The following IL1RAPL1 variants were observed in gnomAD, a reference collection of about 807,000 sequenced individuals.
IL1RAPL1 encodes interleukin-1 receptor accessory protein-like 1.
In IL1RAPL1, 3 loss-of-function variants were observed where a neutral mutation model predicts 48.4. The observed-to-expected ratio is 0.06, with a 90% CI of 0.03 to 0.16. IL1RAPL1 has a LOEUF of 0.16. Ranked by LOEUF, IL1RAPL1 falls within the 10% of genes least tolerant of loss-of-function variation. IL1RAPL1 has a pLI of 1.00. For missense variants in IL1RAPL1, 349 were observed against 530.6 expected (o/e 0.66, Z 3.36); for synonymous variants, 185 against 187.7 (o/e 0.99, Z 0.12).
At chrX:29,381,396 T>A (rs1933695359) in intron 3 of IL1RAPL1, among the ~76,000 whole-genome samples, 1 of 94,812 alleles carries the variant, frequency 1.1e-5, no homozygotes. Flanking sequence ...AGCACATCCC[T>A]ATAACCCCAG....
At chrX:29,336,822 A>G (rs1166921651) in intron 3 of IL1RAPL1, among the ~76,000 whole-genome samples, 1 of 111,741 alleles carries the variant, frequency 8.9e-6, no homozygotes, top group African/African-American at 3.3e-5. Flanking sequence ...GTACAGGGCA[A>G]GACACCTGTC....
intron 5 of IL1RAPL1, among the ~76,000 whole-genome samples, chrX:29,605,407 A>T (rs777603089): frequency 9.0e-6 from 1 of 111,318 alleles, no homozygotes; most frequent in Non-Finnish European, 1.9e-5. Context: ...TGGACTATAT[A>T]CTGTTATATG....
intron 3 of IL1RAPL1, among the ~76,000 whole-genome samples, chrX:29,321,445 C>G (rs1037764749): frequency 9.0e-6 from 1 of 111,686 alleles, no homozygotes; most frequent in African/African-American, 3.3e-5. Flanking sequence ...AAATAATGAG[C>G]CTGTTACAGT....
intron 2 of IL1RAPL1, among the ~76,000 whole-genome samples, chrX:29,120,623 G>T (rs1928764498): frequency 9.0e-6 from 1 of 111,233 alleles, no homozygotes; most frequent in Non-Finnish European, 1.9e-5. Flanking sequence ...GGCTATTGAG[G>T]CTATTTTTTG....
At chrX:29,429,633 G>T (rs1934391355) in intron 5 of IL1RAPL1, among the ~76,000 whole-genome samples, 1 of 110,838 alleles carries the variant, frequency 9.0e-6, no homozygotes, top group Non-Finnish European at 1.9e-5. Context: ...ATAGAGACAT[G>T]AAGAAAAATA....
intron 2 of IL1RAPL1, among the ~76,000 whole-genome samples, chrX:28,831,086 G>T (rs1271010373): frequency 1.2e-5 from 1 of 86,756 alleles, no homozygotes; most frequent in Non-Finnish European, 2.2e-5. Context: ...GTCTGTATGT[G>T]TAAGCACATT....
chrX:29,221,610 T>TACACAC (rs1293855769), intron 2 of IL1RAPL1, among the ~76,000 whole-genome samples: 3 of 61,835 alleles, frequency 4.9e-5, no homozygotes, highest in Admixed American at 2.0e-4. Context: ...GAGCAATGTA[T>TACACAC]ACACACACAT....
chrX:29,517,765 G>C (rs1404438358), intron 5 of IL1RAPL1, among the ~76,000 whole-genome samples: 1 of 111,814 alleles, frequency 8.9e-6, no homozygotes, highest in East Asian at 2.8e-4. Flanking sequence ...TAGTGCTAAT[G>C]TGTTTGTCCC....
intron 1 of IL1RAPL1, among the ~76,000 whole-genome samples, chrX:28,708,095 A>C: frequency 8.9e-6 from 1 of 111,750 alleles, no homozygotes; most frequent in Non-Finnish European, 1.9e-5. Context: ...TTCAACAGTA[A>C]TGGAAACATT....
chrX:29,397,595 C>CT (rs1375059944), intron 4 of IL1RAPL1, among the ~76,000 whole-genome samples: 1 of 110,251 alleles, frequency 9.1e-6, no homozygotes, highest in Non-Finnish European at 1.9e-5. Flanking sequence ...TTCTTTTTCT[C>CT]TTTTTTTAAT....
At chrX:29,385,395 G>C (rs1184752284) in intron 3 of IL1RAPL1, among the ~76,000 whole-genome samples, 2 of 111,975 alleles carry the variant, frequency 1.8e-5, no homozygotes, top group Non-Finnish European at 3.8e-5. Context: ...CGGAGGTTGC[G>C]GTGAGCCGAG....
intron 2 of IL1RAPL1, among the ~76,000 whole-genome samples, chrX:28,885,301 G>A (rs997175597): frequency 1.8e-5 from 2 of 111,125 alleles, no homozygotes; most frequent in Non-Finnish European, 3.8e-5. Flanking sequence ...GCTCTAGAGA[G>A]CACATCCAAT....
intron 6 of IL1RAPL1, among the ~76,000 whole-genome samples, chrX:29,879,357 ATGTGTGTGTGTGTG>A (rs370851302): frequency 4.8e-4 from 40 of 83,984 alleles, no homozygotes; most frequent in Non-Finnish European, 8.8e-4. Flanking sequence ...AGTTTTATAT[ATGTGTGTGTGTGTG>A]TGTGTGTGTG....
At chrX:29,186,224 G>A (rs1416076123) in intron 2 of IL1RAPL1, among the ~76,000 whole-genome samples, 1 of 111,876 alleles carries the variant, frequency 8.9e-6, no homozygotes, top group Non-Finnish European at 1.9e-5. Context: ...GATACATGCA[G>A]CAGAGTTGAA....
At chrX:29,455,919 A>G (rs1024121078) in intron 5 of IL1RAPL1, among the ~76,000 whole-genome samples, 1 of 111,770 alleles carries the variant, frequency 8.9e-6, no homozygotes, top group African/African-American at 3.2e-5. Context: ...ATTTATTCAC[A>G]TTATTGATGA....
intron 2 of IL1RAPL1, among the ~76,000 whole-genome samples, chrX:29,278,375 G>T (rs188047295): frequency 3.0e-4 from 34 of 111,765 alleles, no homozygotes; most frequent in Admixed American, 1.0e-3. Context: ...CTTTATGAGA[G>T]GTAACAAAAA....
chrX:29,896,347 G>C (rs112446482), intron 6 of IL1RAPL1, among the ~76,000 whole-genome samples: 1,128 of 111,238 alleles, frequency 0.01, 12 homozygotes, highest in African/African-American at 0.035. Flanking sequence ...GAGAGAATGG[G>C]ATACTTAACC....
intron 2 of IL1RAPL1, among the ~76,000 whole-genome samples, chrX:28,873,613 G>T (rs1440862855): frequency 3.1e-5 from 3 of 97,057 alleles, no homozygotes; most frequent in African/African-American, 1.2e-4. Flanking sequence ...CTCACTGCAA[G>T]TTCCGCCTCC....
At chrX:29,252,443 C>T (rs949693179) in intron 2 of IL1RAPL1, among the ~76,000 whole-genome samples, 3 of 113,971 alleles carry the variant, frequency 2.6e-5, no homozygotes, top group Non-Finnish European at 3.7e-5. Context: ...TGGTTAAATA[C>T]ATTTTTTTAA....
Sources: gnomAD v4.1 joint callset for allele counts (sites outside exome capture counted in the v4.1 genomes callset) on GRCh38, gnomAD v4.1.1 for gene constraint, MANE v1.5 for transcripts, NCBI Gene and HGNC (gene_info 2026-07-23, HGNC 2026-07-21) for gene names.